The following AGO4 variants were observed in gnomAD, a reference collection of about 807,000 sequenced individuals.
AGO4 encodes argonaute RISC component 4.
AGO4 carries 33 observed loss-of-function variants against 104.7 expected under a neutral mutation model. That is an observed-to-expected ratio of 0.32 (90% CI 0.24 to 0.42). The LOEUF (loss-of-function observed/expected upper bound fraction) is 0.42. AGO4 is among the 10% of genes least tolerant of loss of function. AGO4 has a pLI of 1.00. For missense variants in AGO4, 711 were observed against 1,083.4 expected, an observed-to-expected ratio of 0.66 and a Z score of 4.83; for synonymous variants, 331 against 364.7, an observed-to-expected ratio of 0.91 and a Z score of 1.05.
intron 15 of AGO4, among the ~76,000 whole-genome samples, chr1:35,843,180 C>G (rs764181062): frequency 3.3e-5 from 5 of 152,170 alleles, no homozygotes; most frequent in Non-Finnish European, 5.9e-5. Flanking sequence ...ATTCTCCTGC[C>G]TCACCCTCCT....
At chr1:35,829,740 T>C (rs1233279330) in intron 7 of AGO4, among the ~76,000 whole-genome samples, 1 of 148,086 alleles carries the variant, frequency 6.8e-6, no homozygotes, top group African/African-American at 2.5e-5. Context: ...TCCCAGGTAC[T>C]CGGGAGGCTG....
intron 3 of AGO4, 81 bp downstream of exon 3, chr1:35,823,063 C>T: frequency 1.3e-6 from 2 of 1,506,730 alleles, no homozygotes; most frequent in South Asian, 1.2e-5. Flanking sequence ...CTTCCCAACA[C>T]ACACAAAAAA....
rs374093270 is a variant in AGO4 at position 35,836,021 on chromosome 1, T to G, written c.1724+28T>G. On this transcript the variant is annotated intron_variant, in intron 13 of 17. Transcript: ENST00000373210. ...AAGATTCTGAATGCTTTCCCCACTT[T>G]TGTTTAAGATCTAACTTACATAATT... 1.4e-5 allele frequency: 22 copies of G among 1,602,334 alleles called. No homozygotes were observed. The African/African-American group carries it at 2.8e-4, about 21-fold the overall frequency.
At chr1:35,833,293 A>G (rs1214879193) in intron 11 of AGO4, among the ~76,000 whole-genome samples, 1 of 152,130 alleles carries the variant, frequency 6.6e-6, no homozygotes, top group African/African-American at 2.4e-5. Flanking sequence ...AATAAAAATA[A>G]AAAAATAAAA....
intron 7 of AGO4, among the ~76,000 whole-genome samples, chr1:35,828,633 C>T (rs1349275406): frequency 6.6e-6 from 1 of 152,112 alleles, no homozygotes; most frequent in Admixed American, 6.5e-5. Flanking sequence ...GATTCTCCTG[C>T]CTCAACCTCC....
At chr1:35,851,979 A>G (rs1344227073) in intron 17 of AGO4, among the ~76,000 whole-genome samples, 2 of 152,226 alleles carry the variant, frequency 1.3e-5, no homozygotes, top group Non-Finnish European at 2.9e-5. Flanking sequence ...GCAATGGGAC[A>G]CCAGAGGAGA....
intron 1 of AGO4, among the ~76,000 whole-genome samples, chr1:35,810,422 C>T (rs1314137902): frequency 6.6e-6 from 1 of 152,198 alleles, no homozygotes; most frequent in Non-Finnish European, 1.5e-5. Context: ...CTGAAGCCTT[C>T]TAGTCTTGTT....
At chr1:35,853,122 G>T (rs1644743253) in intron 17 of AGO4, among the ~76,000 whole-genome samples, 1 of 151,876 alleles carries the variant, frequency 6.6e-6, no homozygotes, top group African/African-American at 2.4e-5. Flanking sequence ...GTGGTGGCGG[G>T]CGCCTGTAGT....
Position 35,808,630 on chromosome 1 carries a change from G to C in AGO4, c.19+195G>C, listed in dbSNP as rs1361382254. Among the ~76,000 whole-genome samples, 1 of 152,130 alleles carries C rather than the reference G, an allele frequency of 6.6e-6. No individual in the cohort carries two copies. The highest frequency in any genetic ancestry group is 2.4e-5 in the African/African-American group (1 of 41,450). On this transcript the variant is annotated intron_variant, in intron 1 of 17. Coordinates refer to ENST00000373210, the MANE Select transcript of AGO4 (RefSeq NM_017629.4). The surrounding 1 kb of genome is among the most constrained non-coding windows in gnomAD (Gnocchi z 5.2). ...GGTGACCGCGCCCCAGCCGGCCGTT[G>C]GGTGGATCCCGAGGTCCAGGGGGGA...
intron 15 of AGO4, among the ~76,000 whole-genome samples, chr1:35,849,929 C>T (rs974424976): frequency 6.6e-5 from 10 of 151,968 alleles, no homozygotes; most frequent in African/African-American, 2.4e-4. Flanking sequence ...TATTTTTGTC[C>T]GTATCCTCCT....
chr1:35,850,771 A>G, intron 16 of AGO4, 83 bp from the exon 17 acceptor site: 352 of 813,784 alleles, frequency 4.3e-4, no homozygotes, highest in Non-Finnish European at 5.9e-4. Context: ...ACAGAGTGAG[A>G]CTCCATCTCA....
intron 1 of AGO4, among the ~76,000 whole-genome samples, chr1:35,813,851 G>A (rs564756055): frequency 3.7e-3 from 563 of 151,812 alleles, no homozygotes; most frequent in Non-Finnish European, 5.8e-3. Context: ...CAAGGTGGGC[G>A]GATCACAAGG....
intron 9 of AGO4, 27 bp downstream of exon 9, chr1:35,831,958 A>G (rs1438584142): frequency 6.2e-7 from 1 of 1,611,164 alleles, no homozygotes; most frequent in East Asian, 2.2e-5. Context: ...CTTCAAGATG[A>G]GCTAGCTTTG....
chr1:35,850,005 A>G, intron 15 of AGO4, 152 bp from the exon 16 acceptor site: 1 of 571,956 alleles, frequency 1.7e-6, no homozygotes, highest in Non-Finnish European at 3.1e-6. Context: ...GCTAAGGGAA[A>G]GTTACAGAGG....
chr1:35,816,116 A>G (rs1643685142), intron 1 of AGO4, among the ~76,000 whole-genome samples: 1 of 152,256 alleles, frequency 6.6e-6, no homozygotes, highest in African/African-American at 2.4e-5. Context: ...ATTGATAAAT[A>G]GAGCTGTGGT....
intron 17 of AGO4, 72 bp from the exon 18 acceptor site, chr1:35,853,425 T>TTTG (rs913923135): frequency 6.1e-5 from 87 of 1,426,076 alleles, no homozygotes; most frequent in South Asian, 1.3e-5. Context: ...TTTTTGTTTT[T>TTTG]TTGTTGTTGT....
At chr1:35,832,699 A>G (rs1188223581) in intron 11 of AGO4, 129 bp downstream of exon 11, 3 of 1,204,496 alleles carry the variant, frequency 2.5e-6, no homozygotes, top group Non-Finnish European at 3.3e-6. Flanking sequence ...TGGCTATATG[A>G]AAAAGACCTT....
intron 15 of AGO4, among the ~76,000 whole-genome samples, chr1:35,848,124 T>C (rs1644616281): frequency 6.6e-6 from 1 of 152,236 alleles, no homozygotes; most frequent in Admixed American, 6.5e-5. Flanking sequence ...CACTGATATG[T>C]ATTCTGTTCC....
intron 1 of AGO4, among the ~76,000 whole-genome samples, chr1:35,809,749 C>T (rs972771787): frequency 6.6e-6 from 1 of 152,096 alleles, no homozygotes; most frequent in Non-Finnish European, 1.5e-5. Flanking sequence ...TACTCAATTC[C>T]TTTGAACTTT....
Sources: allele counts gnomAD v4.1 joint callset (sites outside exome capture counted in the v4.1 genomes callset), GRCh38; gene constraint gnomAD v4.1.1; non-coding constraint Gnocchi (gnomAD v3.1); transcripts MANE v1.5; gene names NCBI Gene and HGNC (gene_info 2026-07-23, HGNC 2026-07-21).